CNTNAP5: variants seen among roughly 807,000 people sequenced by gnomAD.
CNTNAP5 encodes the protein contactin-associated protein-like 5.
A neutral mutation model predicts 150.2 loss-of-function variants in CNTNAP5; 72 were observed. The observed-to-expected ratio is 0.48, with a 90% confidence interval of 0.40 to 0.58. The LOEUF (loss-of-function observed/expected upper bound fraction) is 0.58. CNTNAP5 is among the 20% of genes least tolerant of loss of function. The probability of loss-of-function intolerance (pLI) is 0.00; values close to 1 mark genes in which losing one functional copy is unlikely to be tolerated. For synonymous variants in CNTNAP5, 672 were observed against 619.8 expected (o/e 1.08, Z -1.25); for missense variants, 1,636 against 1,626.2 (o/e 1.01, Z -0.10).
At chr2:124,289,716 C>T (rs1036138101) in intron 3 of CNTNAP5, among the ~76,000 whole-genome samples, 15 of 152,082 alleles carry the variant, frequency 9.9e-5, no homozygotes, top group African/African-American at 2.7e-4. Context: ...CTGAAGAAAC[C>T]GAGAGCTGGA....
In CNTNAP5 at chr2:124,369,835, C is replaced by T. The variant is rs80120620; in HGVS notation, c.382-47608C>T. On this transcript the variant is annotated intron_variant, in intron 3 of 23. Transcript: ENST00000682447. ...CATCAAAACCCAGGAAAGGCAGTTCCCTCAGGCTTATCAGAAAGAGCACAG... is the reference window on the plus strand; with the variant it reads ...CATCAAAACCCAGGAAAGGCAGTTCTCTCAGGCTTATCAGAAAGAGCACAG... Among the ~76,000 whole-genome samples, 334 of 152,146 alleles carry T rather than the reference C, an allele frequency of 2.2e-3. 4 individuals are homozygous for T. Among genetic ancestry groups the T allele is most frequent in the African/African-American group, 7.7e-3 (321 of 41,506 alleles).
intron 16 of CNTNAP5, among the ~76,000 whole-genome samples, chr2:124,768,034 C>T (rs1385798017): frequency 6.6e-6 from 1 of 152,036 alleles, no homozygotes; most frequent in Non-Finnish European, 1.5e-5. Context: ...CAGGGCCTAC[C>T]CCCACACCAG....
chr2:124,570,781 G>T (rs555393743), intron 11 of CNTNAP5, among the ~76,000 whole-genome samples: 1 of 152,256 alleles, frequency 6.6e-6, no homozygotes, highest in South Asian at 2.1e-4. Flanking sequence ...TCTAAAATTG[G>T]ATCAAGTATA....
chr2:124,423,793 T>G (rs1692175373), intron 4 of CNTNAP5, among the ~76,000 whole-genome samples: 1 of 139,808 alleles, frequency 7.2e-6, no homozygotes, highest in African/African-American at 2.7e-5. Context: ...GCCTCCCGAG[T>G]AGCTGGGACT....
intron 3 of CNTNAP5, among the ~76,000 whole-genome samples, chr2:124,255,814 T>G (rs1197966308): frequency 1.3e-5 from 2 of 152,240 alleles, no homozygotes; most frequent in East Asian, 1.9e-4. Context: ...ACTTAATCCC[T>G]CTGAGCTTCC....
At chr2:124,611,606 T>A (rs750225640) in intron 12 of CNTNAP5, among the ~76,000 whole-genome samples, 1 of 152,210 alleles carries the variant, frequency 6.6e-6, no homozygotes, top group Non-Finnish European at 1.5e-5. Flanking sequence ...AATTAACATA[T>A]GGACTCTTGC....
At chr2:124,032,470 G>A (rs1225882374) in intron 1 of CNTNAP5, among the ~76,000 whole-genome samples, 1 of 152,060 alleles carries the variant, frequency 6.6e-6, no homozygotes, top group Non-Finnish European at 1.5e-5. Flanking sequence ...GACCAAGACT[G>A]GTGGCAAGAA....
chr2:124,706,874 G>GAAGA, intron 13 of CNTNAP5, among the ~76,000 whole-genome samples: 4 of 104,076 alleles, frequency 3.8e-5, no homozygotes, highest in African/African-American at 8.3e-5. Flanking sequence ...GAAGGGGAAA[G>GAAGA]GGAAGAAGAA....
Position 124,239,395 on chromosome 2 carries a change from A to T in CNTNAP5, c.188-2805A>T, listed in dbSNP as rs201036645. Among the ~76,000 whole-genome samples the T allele has an allele frequency of 2.0e-5, 3 of 152,300 alleles. No homozygotes were observed. The East Asian group carries it at 5.8e-4, about 29-fold the overall frequency. ...TTGTGAACTATTGAGGGTAAAAGAG[A>T]AACAGTTAAGGCTTAAGAATTTTCA... is the stretch of plus-strand genomic sequence containing the variant. On this transcript the variant is annotated intron_variant, in intron 2 of 23. Transcript: ENST00000682447.
intron 1 of CNTNAP5, 116 bp from the exon 2 acceptor site, chr2:124,221,589 T>C: frequency 2.9e-6 from 2 of 686,760 alleles, no homozygotes; most frequent in South Asian, 1.8e-5. Context: ...TACCTGACCT[T>C]GTTCAGAGCA....
chr2:124,896,044 T>A (rs1022548506), intron 21 of CNTNAP5, among the ~76,000 whole-genome samples: 1 of 151,564 alleles, frequency 6.6e-6, no homozygotes, highest in African/African-American at 2.4e-5. Flanking sequence ...GCCATTCCGG[T>A]TCCATATCAA....
intron 7 of CNTNAP5, among the ~76,000 whole-genome samples, chr2:124,501,152 G>T (rs1312770437): frequency 2.0e-5 from 3 of 152,172 alleles, no homozygotes; most frequent in Admixed American, 6.5e-5. Context: ...TACCTTGAAG[G>T]TTTGATCAAT....
At chr2:124,230,408 G>A (rs1686585175) in intron 2 of CNTNAP5, among the ~76,000 whole-genome samples, 2 of 151,854 alleles carry the variant, frequency 1.3e-5, no homozygotes, top group Non-Finnish European at 2.9e-5. Flanking sequence ...CTCTCTGGAG[G>A]CAACATGAGT....
intron 1 of CNTNAP5, among the ~76,000 whole-genome samples, chr2:124,090,123 C>G (rs966370685): frequency 6.6e-6 from 1 of 152,094 alleles, no homozygotes; most frequent in Non-Finnish European, 1.5e-5. Context: ...GTAAAATCAG[C>G]AAAAATATCC....
chr2:124,424,957 C>A (rs547304322), intron 4 of CNTNAP5, among the ~76,000 whole-genome samples: 3 of 152,056 alleles, frequency 2.0e-5, no homozygotes, highest in Admixed American at 2.0e-4. Context: ...ATTTGACTGG[C>A]GATATTGCTA....
intron 1 of CNTNAP5, among the ~76,000 whole-genome samples, chr2:124,221,031 C>T (rs1191760129): frequency 6.6e-6 from 1 of 152,066 alleles, no homozygotes; most frequent in East Asian, 1.9e-4. Context: ...ACATTTGGGC[C>T]TCATCAAAGA....
intron 1 of CNTNAP5, among the ~76,000 whole-genome samples, chr2:124,083,499 G>A (rs893197415): frequency 6.6e-6 from 1 of 151,960 alleles, no homozygotes; most frequent in Non-Finnish European, 1.5e-5. Context: ...TGCACTCTTT[G>A]TCTAGTATTA....
chr2:124,035,084 C>A (rs1023710775), intron 1 of CNTNAP5, among the ~76,000 whole-genome samples: 1 of 135,424 alleles, frequency 7.4e-6, no homozygotes, highest in Non-Finnish European at 1.5e-5. Flanking sequence ...TATCTGTACA[C>A]TTCTGAAATA....
chr2:124,651,410 C>G (rs541566402), intron 13 of CNTNAP5, among the ~76,000 whole-genome samples: 1 of 152,290 alleles, frequency 6.6e-6, no homozygotes, highest in South Asian at 2.1e-4. Context: ...CCAATAATGA[C>G]TGAGATTTCT....
Sources: gnomAD v4.1 joint callset for allele counts (sites outside exome capture counted in the v4.1 genomes callset) on GRCh38, gnomAD v4.1.1 for gene constraint, MANE v1.5 for transcripts, NCBI Gene and HGNC (gene_info 2026-07-23, HGNC 2026-07-21) for gene names.